Variants in ZNF407 observed in about 807,000 individuals in gnomAD.
ZNF407 encodes zinc finger protein 407.
ZNF407 carries 17 observed loss-of-function variants against 131.2 expected under a neutral mutation model. The ratio of observed to expected loss-of-function variants is 0.13; its 90% CI spans 0.09 to 0.19. The LOEUF is 0.19. Ranked by LOEUF, ZNF407 falls within the 10% of genes least tolerant of loss-of-function variation. The pLI is 1.00. For missense variants in ZNF407, 2,681 were observed against 2,830.6 expected (o/e 0.95, Z 1.20); for synonymous variants, 1,156 against 1,062.0 (o/e 1.09, Z -1.72).
chr18:74,895,133 T>C (rs374909333), intron 7 of ZNF407, among the ~76,000 whole-genome samples: 3 of 152,122 alleles, frequency 2.0e-5, no homozygotes, highest in South Asian at 2.1e-4. Context: ...ACTTTGGGTA[T>C]TTTTCCCCCT....
chr18:74,780,911 A>G (rs778744317), intron 3 of ZNF407, among the ~76,000 whole-genome samples: 10 of 152,160 alleles, frequency 6.6e-5, no homozygotes, highest in South Asian at 2.1e-4. Context: ...AGGTACTTCA[A>G]TATAATTTTT....
chr18:74,720,275 A>G (rs1967998717), intron 3 of ZNF407, among the ~76,000 whole-genome samples: 2 of 151,852 alleles, frequency 1.3e-5, no homozygotes, highest in African/African-American at 4.8e-5. Flanking sequence ...AGTGATGTTG[A>G]ACAGTTTTTC....
At chr18:74,798,707 A>T (rs1320602360) in intron 4 of ZNF407, among the ~76,000 whole-genome samples, 1 of 152,138 alleles carries the variant, frequency 6.6e-6, no homozygotes, top group East Asian at 1.9e-4. Context: ...AGTAGTAAGG[A>T]TATTATCTTT....
At chr18:74,645,584 C>T (rs1984932838) in intron 3 of ZNF407, among the ~76,000 whole-genome samples, 1 of 150,806 alleles carries the variant, frequency 6.6e-6, no homozygotes, top group African/African-American at 2.4e-5. Flanking sequence ...ACTGTTTATT[C>T]CTAGTTGGTT....
At chr18:74,903,826 A>T (rs967704444) in intron 7 of ZNF407, among the ~76,000 whole-genome samples, 1 of 152,250 alleles carries the variant, frequency 6.6e-6, no homozygotes, top group African/African-American at 2.4e-5. Flanking sequence ...GATTCTGAGC[A>T]TCAAGCAATA....
At chr18:74,975,913 A>G (rs551740035) in intron 8 of ZNF407, among the ~76,000 whole-genome samples, 167 of 152,352 alleles carry the variant, frequency 1.1e-3, no homozygotes, top group African/African-American at 3.8e-3. Context: ...GATGAACTAG[A>G]TGGTCATGAC....
intron 7 of ZNF407, among the ~76,000 whole-genome samples, chr18:74,919,626 C>T (rs920398639): frequency 6.6e-6 from 1 of 152,186 alleles, no homozygotes; most frequent in Non-Finnish European, 1.5e-5. Context: ...GATAACCCCT[C>T]AACACCTACT....
chr18:74,896,839 G>A (rs1056817868), intron 7 of ZNF407, among the ~76,000 whole-genome samples: 1 of 152,130 alleles, frequency 6.6e-6, no homozygotes, highest in Admixed American at 6.5e-5. Context: ...TGTGAATGTT[G>A]TACTATGTGT....
At chr18:74,740,127 C>G (rs1249354038) in intron 3 of ZNF407, among the ~76,000 whole-genome samples, 1 of 152,120 alleles carries the variant, frequency 6.6e-6, no homozygotes, top group Non-Finnish European at 1.5e-5. Context: ...TCCAGACGAC[C>G]TCAGGTCCAC....
At chr18:74,929,407 A>G (rs911391251) in intron 8 of ZNF407, among the ~76,000 whole-genome samples, 7 of 152,188 alleles carry the variant, frequency 4.6e-5, no homozygotes, top group African/African-American at 1.7e-4. Flanking sequence ...AAAAGTAAAC[A>G]AAATTGAAAA....
At chr18:74,794,618 A>T (rs1416927125) in intron 4 of ZNF407, among the ~76,000 whole-genome samples, 2 of 152,174 alleles carry the variant, frequency 1.3e-5, no homozygotes, top group African/African-American at 4.8e-5. Context: ...CATTTTGCAG[A>T]TGTAAAAGTT....
chr18:75,057,402 T>C (rs1212559023), intron 8 of ZNF407, among the ~76,000 whole-genome samples: 1 of 152,196 alleles, frequency 6.6e-6, no homozygotes, highest in Non-Finnish European at 1.5e-5. Context: ...TTGACCCCTT[T>C]AGTGGAGACA....
intron 1 of ZNF407, among the ~76,000 whole-genome samples, chr18:74,630,359 G>C (rs1214800477): frequency 6.6e-6 from 1 of 151,970 alleles, no homozygotes; most frequent in East Asian, 1.9e-4. Context: ...TTTTAGTAGC[G>C]ACAGGGTTTC....
intron 3 of ZNF407, among the ~76,000 whole-genome samples, chr18:74,771,984 G>T (rs931158084): frequency 6.6e-6 from 1 of 152,124 alleles, no homozygotes; most frequent in Non-Finnish European, 1.5e-5. Flanking sequence ...TTCAGTAGTA[G>T]TTTCATTTTT....
At chr18:74,746,966 T>C (rs560679221) in intron 3 of ZNF407, among the ~76,000 whole-genome samples, 8 of 152,292 alleles carry the variant, frequency 5.3e-5, no homozygotes, top group African/African-American at 1.9e-4. Flanking sequence ...TATAGCAGCA[T>C]CACCACAAAC....
At chr18:74,830,253 A>G (rs563083450) in intron 4 of ZNF407, among the ~76,000 whole-genome samples, 1 of 151,986 alleles carries the variant, frequency 6.6e-6, no homozygotes, top group African/African-American at 2.4e-5. Flanking sequence ...ACTAATGTAC[A>G]CCCACATTTT....
intron 3 of ZNF407, among the ~76,000 whole-genome samples, chr18:74,652,285 C>G (rs576974467): frequency 5.3e-5 from 8 of 152,154 alleles, no homozygotes. Context: ...ATCTAAAACA[C>G]ATTTGATTGT....
intron 3 of ZNF407, among the ~76,000 whole-genome samples, chr18:74,762,721 A>G (rs1483896888): frequency 6.6e-6 from 1 of 151,642 alleles, no homozygotes; most frequent in African/African-American, 2.4e-5. Flanking sequence ...TAAAATCATC[A>G]TAGCTGCTTT....
intron 3 of ZNF407, among the ~76,000 whole-genome samples, chr18:74,759,788 T>G (rs981791875): frequency 6.6e-6 from 1 of 151,696 alleles, no homozygotes; most frequent in Admixed American, 6.6e-5. Context: ...TTTCCTGTAG[T>G]TCTTACTTAT....
Sources: allele counts gnomAD v4.1 joint callset (sites outside exome capture counted in the v4.1 genomes callset), GRCh38; gene constraint gnomAD v4.1.1; transcripts MANE v1.5; gene names NCBI Gene and HGNC (gene_info 2026-07-23, HGNC 2026-07-21).